LIPA: variants seen among roughly 807,000 people sequenced by gnomAD.
LIPA encodes lipase A, lysosomal acid type, also known as lysosomal acid lipase/cholesteryl ester hydrolase.
In LIPA, 26 loss-of-function variants were observed where a neutral mutation model predicts 40.6. The observed-to-expected ratio is 0.64, with a 90% confidence interval of 0.47 to 0.89. The LOEUF (loss-of-function observed/expected upper bound fraction) is 0.89, where lower values mean the gene tolerates loss of function less well. Among genes scored for constraint, LIPA ranks in the 40% least tolerant of loss-of-function variants. The pLI is 0.00. For missense variants in LIPA, 455 were observed against 479.6 expected (o/e 0.95, Z 0.48); for synonymous variants, 188 against 168.4 (o/e 1.12, Z -0.90).
chr10:89,265,007 C>T (rs1466088792), intron 1 of LIPA, among the ~76,000 whole-genome samples: 1 of 152,234 alleles, frequency 6.6e-6, no homozygotes, highest in African/African-American at 2.4e-5. Context: ...GCTCATTGGC[C>T]CCCAAAGTCT....
rs533632466 is a variant in LIPA, at chr10:89,354,530, T to A, written c.61+58261A>T. Among the ~76,000 whole-genome samples the A allele has an allele frequency of 5.3e-5, 8 of 152,316 alleles. No individual in the cohort carries two copies. The South Asian group carries it at 1.4e-3, about 28-fold the overall frequency. On this transcript the variant is annotated intron_variant, in intron 2 of 8. Coordinates refer to the LIPA transcript ENST00000371837. ...GTAGGAGATGGAGTTCGTATTCAAG[T>A]CGTTCTCCTTCAAAGCTCATAAGTT...
At chr10:89,336,745 T>C (rs192759556) in intron 1 of LIPA, among the ~76,000 whole-genome samples, 175 of 150,734 alleles carry the variant, frequency 1.2e-3, no homozygotes, top group South Asian at 2.7e-3. Flanking sequence ...CCTATTTGGT[T>C]CATAACTTTT....
upstream of LIPA, chr10:89,252,079 G>C (rs945963628): frequency 2.0e-5 from 3 of 152,260 alleles, no homozygotes; most frequent in African/African-American, 7.2e-5. Context: ...AGCAAAGGCT[G>C]TTTTAGGCGG....
upstream of LIPA, among the ~76,000 whole-genome samples, chr10:89,344,607 G>A (rs1215252016): frequency 9.0e-5 from 12 of 133,210 alleles, no homozygotes; most frequent in African/African-American, 1.6e-4. Context: ...CTATCCATGC[G>A]GCAAGAAAAA....
intron 2 of LIPA, among the ~76,000 whole-genome samples, chr10:89,349,586 T>C (rs6586188): frequency 0.33 from 49,651 of 152,014 alleles, 9,213 homozygotes; most frequent in African/African-American, 0.5. Flanking sequence ...GGCTGTCAGA[T>C]CATTTTCACA....
chr10:89,223,775 C>T lies in LIPA; in HGVS notation c.731G>A (p.Gly244Asp). The T allele has an allele frequency of 6.2e-7, 1 of 1,613,954 alleles. No homozygotes were observed. Among genetic ancestry groups the T allele is most frequent in the Non-Finnish European group, 8.5e-7 (1 of 1,179,828 alleles). ...TATGACATGAGTGCAAACGTGGGTA[C>T]CCAGCCACTTCAAAAACGCACTCTG... The part of the protein sequence containing the change: ...LPQSAFLKWL[G>D]THVCTHVILK... Residue 244 changes from glycine to aspartate, a missense_variant, in exon 7 of 10, where the codon GGT becomes GAT. Gly to Asp is a moderately conservative substitution (Grantham distance 94). Transcript: ENST00000336233.
At chr10:89,287,582 C>T (rs1843347724) in intron 1 of LIPA, among the ~76,000 whole-genome samples, 1 of 152,054 alleles carries the variant, frequency 6.6e-6, no homozygotes, top group Non-Finnish European at 1.5e-5. Flanking sequence ...CCCACCTTAA[C>T]CCACAAGTAT....
At chr10:89,340,588 T>A (rs548632865) in intron 1 of LIPA, 1 of 152,692 alleles carries the variant, frequency 6.5e-6, no homozygotes, top group Admixed American at 6.5e-5. Flanking sequence ...AAAAGAGTTG[T>A]TTTCTCATGT....
intron 1 of LIPA, among the ~76,000 whole-genome samples, chr10:89,288,045 C>A (rs1426665422): frequency 6.6e-6 from 1 of 152,170 alleles, no homozygotes; most frequent in Non-Finnish European, 1.5e-5. Context: ...TCAGGCTCAG[C>A]AAATTACCTG....
rs377437637 is a variant in LIPA at position 89,247,573 on chromosome 10, G to A, written c.76C>T (p.Leu26=). The A allele has an allele frequency of 2.5e-5, 40 of 1,612,714 alleles. No individual in the cohort carries two copies. Among genetic ancestry groups the A allele is most frequent in the Non-Finnish European group, 3.2e-5 (38 of 1,178,996 alleles). ...TTTGTTTCAGGATCCACAGCTGTCA[G>A]TTTCCCTCCAGACCCCTCAGAATGC... ...TLHSEGSGGK[L]TAVDPETNMN... is the part of the protein sequence containing the mutation. Residue 26 remains leucine, a synonymous_variant, in exon 2 of 10, where the codon CTG becomes TTG. Coordinates refer to ENST00000336233, the MANE Select transcript of LIPA (RefSeq NM_000235.4).
rs1428500192 is a variant in LIPA at position 89,218,125 on chromosome 10, GT to G, written c.895-2117del. 2.6e-5 allele frequency among the ~76,000 whole-genome samples: 4 copies of G among 152,250 alleles called. No homozygotes were observed. The East Asian group carries it at 7.7e-4, about 29-fold the overall frequency. On this transcript the variant is annotated intron_variant, in intron 8 of 9. Transcript: ENST00000336233. ...AATGCCTATAGTATTAGGATAAACC[GT>G]TTTAAAATGACATTTAAAAATTATA... is the stretch of plus-strand genomic sequence containing the variant.
At chr10:89,358,471 T>C (rs1332477880) in intron 2 of LIPA, among the ~76,000 whole-genome samples, 1 of 152,236 alleles carries the variant, frequency 6.6e-6, no homozygotes, top group East Asian at 1.9e-4. Flanking sequence ...GCGATATCTG[T>C]ATTCTCATGT....
At chr10:89,404,316 T>G (rs1412038702) in intron 2 of LIPA, 1 of 152,392 alleles carries the variant, frequency 6.6e-6, no homozygotes, top group Non-Finnish European at 1.5e-5. Flanking sequence ...TGATCAGCCT[T>G]CCCTCCTGAT....
upstream of LIPA, among the ~76,000 whole-genome samples, chr10:89,254,497 A>G (rs962448560): frequency 6.6e-6 from 1 of 152,168 alleles, no homozygotes; most frequent in African/African-American, 2.4e-5. Flanking sequence ...AGCCCACAAA[A>G]GTATTTTTTC....
At chr10:89,247,454 G>A in intron 2 of LIPA, 84 bp downstream of exon 2, 1 of 629,464 alleles carries the variant, frequency 1.6e-6, no homozygotes, top group Non-Finnish European at 3.0e-6. Flanking sequence ...AGAGATGAAT[G>A]TATGGGTATG....
rs558559821 is a variant in LIPA at position 89,338,261 on chromosome 10, G to A, written c.-2+4350C>T. The A allele has an allele frequency of 7.2e-4, 119 of 165,060 alleles. 1 individual carries two copies. Among genetic ancestry groups the A allele is most frequent in the African/African-American group, 2.8e-3 (115 of 41,772 alleles). The allele number at this position is 165,060 out of a possible 1,614,324, so 10.2% of individuals were successfully genotyped here. ...AAGCTGGAGACCAAGGAAAGTTGAT[G>A]GTGTAGTCCCAGTCCAAGTCTAAAA... On this transcript the variant is annotated intron_variant, in intron 1 of 5. Transcript: ENST00000282673.
rs11203056 is a variant in LIPA at position 89,266,087 on chromosome 10, C to G, written c.-1-18438G>C. Among the ~76,000 whole-genome samples the G allele has an allele frequency of 6.3e-3, 967 of 152,302 alleles. 7 individuals carry two copies. Among genetic ancestry groups the G allele is most frequent in the Middle Eastern group, 0.024 (7 of 294 alleles). On this transcript the variant is annotated intron_variant, in intron 1 of 5. Transcript: ENST00000282673. ...GATATATGTTTTCTATCCTCAGATTCTCACATAAAAAATACCTTGTACAGT... is the reference window on the plus strand; with the variant it reads ...GATATATGTTTTCTATCCTCAGATTGTCACATAAAAAATACCTTGTACAGT...
At chr10:89,254,156 G>A (rs1374467725), upstream of LIPA, among the ~76,000 whole-genome samples, 1 of 152,258 alleles carries the variant, frequency 6.6e-6, no homozygotes, top group South Asian at 2.1e-4. Context: ...TGGGGACTCT[G>A]TGTGAGGCCT....
chr10:89,322,882 AC>A (rs1384958035), intron 1 of LIPA, among the ~76,000 whole-genome samples: 2 of 151,796 alleles, frequency 1.3e-5, no homozygotes, highest in African/African-American at 2.4e-5. Flanking sequence ...GACTACATCT[AC>A]CCCTGCCACT....
Sources: gnomAD v4.1 joint callset for allele counts (sites outside exome capture counted in the v4.1 genomes callset) on GRCh38, gnomAD v4.1.1 for gene constraint, MANE v1.5 for transcripts, NCBI Gene and HGNC (gene_info 2026-07-23, HGNC 2026-07-21) for gene names.